GLT1D1: variants seen among roughly 807,000 people sequenced by gnomAD.
GLT1D1 encodes glycosyltransferase 1 domain containing 1, also known as glycosyltransferase 1 domain-containing protein 1.
A neutral mutation model predicts 28.7 loss-of-function variants in GLT1D1; 21 were observed. That is an observed-to-expected ratio of 0.73 (90% CI 0.52 to 1.05). The LOEUF (loss-of-function observed/expected upper bound fraction) is 1.05, where lower values mean the gene tolerates loss of function less well. GLT1D1 is among the 50% of genes least tolerant of loss of function. The pLI, the probability that GLT1D1 is intolerant of heterozygous loss-of-function variation, is 0.00. For missense variants in GLT1D1, 343 were observed against 330.6 expected (o/e 1.04, Z -0.29); for synonymous variants, 147 against 124.8 (o/e 1.18, Z -1.19).
intron 7 of GLT1D1, among the ~76,000 whole-genome samples, chr12:128,964,610 G>A (rs115918667): frequency 8.2e-4 from 125 of 152,292 alleles, no homozygotes; most frequent in African/African-American, 2.9e-3. Context: ...ATTCCAGGAC[G>A]TCAACACCTT....
chr12:128,893,721 G>A (rs1869324274), intron 3 of GLT1D1, among the ~76,000 whole-genome samples: 1 of 152,098 alleles, frequency 6.6e-6, no homozygotes, highest in African/African-American at 2.4e-5. Flanking sequence ...CAGTAGCTGG[G>A]ACTACAGGGG....
chr12:128,973,447 C>T (rs1026399029), intron 7 of GLT1D1, among the ~76,000 whole-genome samples: 3 of 151,400 alleles, frequency 2.0e-5, no homozygotes, highest in Non-Finnish European at 4.4e-5. Context: ...CCCACCTCGG[C>T]CTCCCAGAGT....
In GLT1D1 at chr12:128,853,609, C is replaced by T. The variant is rs1277889729; in HGVS notation, c.28C>T (p.Arg10Trp). 2 of 1,176,774 alleles carry T rather than the reference C, an allele frequency of 1.7e-6. No individual in the cohort carries two copies. The highest frequency in any genetic ancestry group is 1.1e-6 in the Non-Finnish European group (1 of 940,754). The allele number at this position is 1,176,774 out of a possible 1,614,324, so 72.9% of individuals were successfully genotyped here. A position where few individuals can be genotyped will look rare whatever the true frequency, so the allele number is the denominator to read the frequency against. ...GCGGCTCCTGTTCCTGGCGGTGCTGCGGCCACACACCGGCAACGCGGTCAC... is the reference window on the plus strand; with the variant it reads ...GCGGCTCCTGTTCCTGGCGGTGCTGTGGCCACACACCGGCAACGCGGTCAC... The change falls in exon 1 of 8, where the codon CGG becomes TGG. Residue 10 changes from arginine to tryptophan, a missense_variant. By Grantham distance (101) the Arg-to-Trp change is moderately radical. Transcript: ENST00000281703.
intron 7 of GLT1D1, among the ~76,000 whole-genome samples, chr12:128,962,307 G>C (rs577031416): frequency 2.4e-4 from 37 of 152,368 alleles, no homozygotes; most frequent in African/African-American, 8.7e-4. Flanking sequence ...CTAGCTCTGG[G>C]TCTAGACACA....
intron 1 of GLT1D1, among the ~76,000 whole-genome samples, chr12:128,865,694 C>T (rs1255969757): frequency 3.3e-5 from 5 of 151,916 alleles, no homozygotes; most frequent in African/African-American, 9.7e-5. Flanking sequence ...TGGTGGCATG[C>T]GCCTATAATC....
chr12:128,921,440 G>A (rs769273688), intron 4 of GLT1D1, among the ~76,000 whole-genome samples: 7 of 151,826 alleles, frequency 4.6e-5, no homozygotes, highest in African/African-American at 9.7e-5. Flanking sequence ...AGAAAACATC[G>A]AAGTGGCTTG....
intron 1 of GLT1D1, among the ~76,000 whole-genome samples, chr12:128,854,202 T>TGTTGTTTACTGTAAGACTTGTTGTCTTAC (rs1956147784): frequency 6.6e-6 from 1 of 151,574 alleles, no homozygotes; most frequent in Non-Finnish European, 1.5e-5. Flanking sequence ...TTTGTCTTAT[T>TGTTGTTTACTGTAAGACTTGTTGTCTTAC]TGTTTACTTG....
intron 6 of GLT1D1, among the ~76,000 whole-genome samples, chr12:128,955,920 G>A (rs1170002739): frequency 1.3e-5 from 2 of 151,440 alleles, no homozygotes; most frequent in Non-Finnish European, 2.9e-5. Flanking sequence ...AGTTATGATG[G>A]GACTGCATCC....
At chr12:128,916,660 T>C (rs776742419) in intron 4 of GLT1D1, among the ~76,000 whole-genome samples, 2 of 152,244 alleles carry the variant, frequency 1.3e-5, no homozygotes, top group African/African-American at 2.4e-5. Context: ...TGTATCTTGT[T>C]TCGTGAGTGT....
rs1957130666 is a variant in GLT1D1 at position 128,884,348 on chromosome 12, C to A, written c.218-4291C>A. On this transcript the variant is annotated intron_variant, in intron 2 of 7. Transcript: ENST00000281703. ...CACTTGTATGTGAAATCCAGAAAGT[C>A]AAATTCATAGAAGCAGAGAGTAGTA... is the stretch of plus-strand genomic sequence containing the variant. 4.6e-5 allele frequency among the ~76,000 whole-genome samples: 7 copies of A among 152,138 alleles called. No homozygotes were observed. The South Asian group carries it at 1.4e-3, about 31-fold the overall frequency.
At chr12:128,858,389 C>T (rs1305992077) in intron 1 of GLT1D1, among the ~76,000 whole-genome samples, 2 of 152,158 alleles carry the variant, frequency 1.3e-5, no homozygotes, top group African/African-American at 4.8e-5. Context: ...TAAAGAATTT[C>T]TGCCGGGCCT....
intron 4 of GLT1D1, among the ~76,000 whole-genome samples, chr12:128,925,705 A>G (rs11060020): frequency 0.16 from 24,077 of 152,150 alleles, 2,470 homozygotes; most frequent in Non-Finnish European, 0.24. Context: ...TCATCAAGAC[A>G]TTATTCTTCC....
intron 2 of GLT1D1, among the ~76,000 whole-genome samples, chr12:128,883,739 A>T (rs1417401739): frequency 2.0e-5 from 3 of 152,164 alleles, no homozygotes; most frequent in Non-Finnish European, 2.9e-5. Flanking sequence ...GAGTCAACTC[A>T]CTTGGAAAAT....
At chr12:128,896,467 A>G (rs2135846508) in intron 3 of GLT1D1, among the ~76,000 whole-genome samples, 1 of 152,142 alleles carries the variant, frequency 6.6e-6, no homozygotes, top group East Asian at 1.9e-4. Flanking sequence ...GCGTGCTTTA[A>G]CCATGACTAG....
At chr12:128,956,016 G>A (rs887884445) in intron 6 of GLT1D1, among the ~76,000 whole-genome samples, 11 of 151,370 alleles carry the variant, frequency 7.3e-5, no homozygotes, top group African/African-American at 1.7e-4. Flanking sequence ...AAAATTAGCC[G>A]GGCGTGATGG....
chr12:128,913,468 G>A (rs907180321), intron 4 of GLT1D1, among the ~76,000 whole-genome samples: 15 of 152,278 alleles, frequency 9.9e-5, no homozygotes, highest in Middle Eastern at 3.4e-3. Flanking sequence ...TGATCTGTCC[G>A]CCTTGGCCTC....
intron 4 of GLT1D1, chr12:128,906,970 C>T (rs1351959652): frequency 2.8e-6 from 2 of 702,430 alleles, no homozygotes; most frequent in African/African-American, 3.5e-5. Context: ...CTCCACAAGT[C>T]AGTGCAGATG....
chr12:128,931,309 AT>A lies in GLT1D1; in HGVS notation c.376-14001del, dbSNP rs564088151. On this transcript the variant is annotated intron_variant, in intron 4 of 7. Transcript: ENST00000281703. The stretch of plus-strand genomic sequence containing the variant: ...AGCCACTGCACCTGGCCACTTTTTA[AT>A]TTTTTTTTTTTTTTTGATATGGAGT... 6.5e-3 allele frequency among the ~76,000 whole-genome samples: 705 copies of A among 108,728 alleles called. 5 individuals carry two copies. Among genetic ancestry groups the A allele is most frequent in the East Asian group, 0.059 (211 of 3,588 alleles). 71.3% of individuals were successfully genotyped at this position (108,728 alleles called of 152,430 possible).
intron 4 of GLT1D1, among the ~76,000 whole-genome samples, chr12:128,916,043 G>T (rs1005254792): frequency 6.6e-6 from 1 of 152,070 alleles, no homozygotes; most frequent in East Asian, 1.9e-4. Context: ...CTTTATAGGC[G>T]ATTCCTAGTC....
Sources: gnomAD v4.1 joint callset for allele counts (sites outside exome capture counted in the v4.1 genomes callset) on GRCh38, gnomAD v4.1.1 for gene constraint, MANE v1.5 for transcripts, NCBI Gene and HGNC (gene_info 2026-07-23, HGNC 2026-07-21) for gene names.